The following SYNE1 variants were observed in gnomAD, a reference collection of about 807,000 sequenced individuals.
SYNE1 encodes the protein nesprin-1.
A neutral mutation model predicts 1,111.0 loss-of-function variants in SYNE1; 616 were observed. The ratio of observed to expected loss-of-function variants is 0.55; its 90% CI spans 0.52 to 0.59. SYNE1 has a LOEUF of 0.59. Ranked by LOEUF, SYNE1 falls within the 20% of genes least tolerant of loss-of-function variation. The pLI is 0.00. For missense variants in SYNE1, 10,006 were observed against 10,417.0 expected, an observed-to-expected ratio of 0.96 and a Z score of 1.72; for synonymous variants, 3,855 against 3,825.8, an observed-to-expected ratio of 1.01 and a Z score of -0.28.
intron 23 of SYNE1, 78 bp from the exon 24 acceptor site, chr6:152,455,668 A>G (rs746562890): frequency 8.9e-6 from 14 of 1,580,104 alleles, no homozygotes; most frequent in Non-Finnish European, 1.2e-5. Flanking sequence ...GGTATTATTC[A>G]TTTAAAAAGC....
chr6:152,194,069 T>C (rs2073420700), intron 127 of SYNE1, among the ~76,000 whole-genome samples: 1 of 152,056 alleles, frequency 6.6e-6, no homozygotes, highest in African/African-American at 2.4e-5. Flanking sequence ...TAATATTCTA[T>C]GTTTTTCTGT....
chr6:152,146,049 A>G (rs1020198073), intron 137 of SYNE1: 2 of 175,788 alleles, frequency 1.1e-5, no homozygotes, highest in Non-Finnish European at 2.4e-5. Context: ...AAAAAAAAAA[A>G]AGAACTCACA....
intron 4 of SYNE1, among the ~76,000 whole-genome samples, chr6:152,536,005 T>C (rs1319846202): frequency 6.6e-6 from 1 of 152,068 alleles, no homozygotes; most frequent in Non-Finnish European, 1.5e-5. Context: ...TTTAAGTCCA[T>C]GCCACCTCTG....
At chr6:152,289,828 A>G (rs148552603) in intron 95 of SYNE1, among the ~76,000 whole-genome samples, 2,383 of 151,370 alleles carry the variant, frequency 0.016, 62 homozygotes, top group African/African-American at 0.05. Context: ...GGGTTTCACC[A>G]TGTTAGCCAG....
chr6:152,250,562 A>G (rs1293002324), intron 104 of SYNE1, among the ~76,000 whole-genome samples: 4 of 152,252 alleles, frequency 2.6e-5, no homozygotes. Flanking sequence ...TTGAAAATAT[A>G]GCGCTGAACA....
chr6:152,623,739 T>A (rs543253641), intron 3 of SYNE1, among the ~76,000 whole-genome samples: 1 of 152,018 alleles, frequency 6.6e-6, no homozygotes. Context: ...GAAGAAGATA[T>A]ACATGCGGCC....
chr6:152,196,188 T>C (rs1259388814), intron 127 of SYNE1, among the ~76,000 whole-genome samples: 1 of 152,120 alleles, frequency 6.6e-6, no homozygotes, highest in African/African-American at 2.4e-5. Flanking sequence ...GGCTCCCCTC[T>C]GGCCCAAGGT....
At chr6:152,252,489 T>C (rs1236742180) in intron 104 of SYNE1, among the ~76,000 whole-genome samples, 1 of 152,206 alleles carries the variant, frequency 6.6e-6, no homozygotes, top group Non-Finnish European at 1.5e-5. Context: ...TGATTCTATA[T>C]ATGTAATGTA....
In SYNE1 at chr6:152,314,978, C is replaced by T. The variant is rs545895972; in HGVS notation, c.16710+1871G>A. Reference sequence around the variant, plus strand: ...CTGAGCTACAGCCTGGGCGATAGAGCGAAATGCTGTCTCAAAAAAGAAAAA... The same window carrying T: ...CTGAGCTACAGCCTGGGCGATAGAGTGAAATGCTGTCTCAAAAAAGAAAAA... On this transcript the variant is annotated intron_variant, in intron 87 of 145. Transcript: ENST00000367255. Among the ~76,000 whole-genome samples, 7 of 141,420 alleles carry T rather than the reference C, an allele frequency of 4.9e-5. 1 individual carries two copies. Among genetic ancestry groups the T allele is most frequent in the Middle Eastern group, 3.6e-3 (1 of 274 alleles). 92.8% of individuals were successfully genotyped at this position (141,420 alleles called of 152,430 possible).
At chr6:152,417,371 G>A (rs998585697) in intron 40 of SYNE1, among the ~76,000 whole-genome samples, 1 of 152,114 alleles carries the variant, frequency 6.6e-6, no homozygotes, top group African/African-American at 2.4e-5. Context: ...GGTGGTGGGC[G>A]CCTGTAGTCC....
chr6:152,300,931 A>G, intron 92 of SYNE1, 150 bp from the exon 93 acceptor site: 1 of 1,106,816 alleles, frequency 9.0e-7, no homozygotes, highest in Non-Finnish European at 1.3e-6. Flanking sequence ...CTGTGTTAGT[A>G]TTTAAAAGTT....
intron 130 of SYNE1, chr6:152,167,984 C>G (rs777354698): frequency 1.3e-6 from 1 of 778,362 alleles, no homozygotes; most frequent in East Asian, 2.4e-5. Flanking sequence ...CCAGCTATCT[C>G]CCAACACCAA....
At chr6:152,184,437 C>CAA (rs199660419) in intron 128 of SYNE1, among the ~76,000 whole-genome samples, 1 of 104,724 alleles carries the variant, frequency 9.5e-6, no homozygotes, top group East Asian at 2.4e-4. Context: ...AACTCTGTTT[C>CAA]AAAAAAAAAA....
intron 4 of SYNE1, among the ~76,000 whole-genome samples, chr6:152,536,443 AG>A (rs2099242360): frequency 7.2e-6 from 1 of 139,854 alleles, no homozygotes; most frequent in African/African-American, 2.7e-5. Flanking sequence ...AACTATATAT[AG>A]TAATATATAT....
intron 130 of SYNE1, among the ~76,000 whole-genome samples, chr6:152,174,923 G>A (rs1337374626): frequency 1.3e-5 from 2 of 152,246 alleles, no homozygotes; most frequent in Non-Finnish European, 2.9e-5. Flanking sequence ...GCTGGGTGCG[G>A]TGGCTCACAC....
chr6:152,504,099 T>C (rs918335893), intron 9 of SYNE1, among the ~76,000 whole-genome samples: 6 of 152,178 alleles, frequency 3.9e-5, no homozygotes, highest in Non-Finnish European at 7.4e-5. Flanking sequence ...GAAAGAATCA[T>C]GCATATTCTC....
chr6:152,463,646 C>T, intron 18 of SYNE1, 129 bp from the exon 19 acceptor site: 1 of 854,268 alleles, frequency 1.2e-6, no homozygotes, highest in South Asian at 1.5e-5. Flanking sequence ...AATCACAAAT[C>T]TCTTTAAAAT....
At chr6:152,200,935 C>G (rs891763917) in intron 127 of SYNE1, among the ~76,000 whole-genome samples, 1 of 152,072 alleles carries the variant, frequency 6.6e-6, no homozygotes, top group Non-Finnish European at 1.5e-5. Flanking sequence ...ATTTCTAGAC[C>G]TCTTTAACAA....
At chr6:152,170,138 A>G (rs550302998) in intron 130 of SYNE1, among the ~76,000 whole-genome samples, 1 of 152,176 alleles carries the variant, frequency 6.6e-6, no homozygotes, top group Admixed American at 6.5e-5. Context: ...AAAATTTGAA[A>G]TTTTTTTCAT....
Sources: allele counts gnomAD v4.1 joint callset (sites outside exome capture counted in the v4.1 genomes callset), GRCh38; gene constraint gnomAD v4.1.1; transcripts MANE v1.5; gene names NCBI Gene and HGNC (gene_info 2026-07-23, HGNC 2026-07-21).